HPSE2: variants seen among roughly 807,000 people sequenced by gnomAD.
HPSE2 encodes inactive heparanase-2.
In HPSE2, 38 loss-of-function variants were observed where a neutral mutation model predicts 60.5. The ratio of observed to expected loss-of-function variants is 0.63; its 90% confidence interval spans 0.48 to 0.82. The LOEUF is 0.82. Ranked by LOEUF, HPSE2 falls within the 40% of genes least tolerant of loss-of-function variation. The pLI is 0.00. For missense variants in HPSE2, 713 were observed against 740.4 expected (o/e 0.96, Z 0.43); for synonymous variants, 295 against 293.2 (o/e 1.01, Z -0.06).
chr10:99,105,061 T>A (rs1340562782), intron 3 of HPSE2, among the ~76,000 whole-genome samples: 149 of 138,000 alleles, frequency 1.1e-3, no homozygotes, highest in East Asian at 1.7e-3. Flanking sequence ...TAAAATATAA[T>A]AAAAAAAAAA....
chr10:99,153,459 G>A (rs1450386496), intron 2 of HPSE2, among the ~76,000 whole-genome samples: 1 of 152,190 alleles, frequency 6.6e-6, no homozygotes, highest in Non-Finnish European at 1.5e-5. Context: ...CCCCCGAGCA[G>A]CCTAACTGGG....
chr10:98,774,308 C>T (rs1231278237), intron 3 of HPSE2, among the ~76,000 whole-genome samples: 1 of 152,108 alleles, frequency 6.6e-6, no homozygotes, highest in African/African-American at 2.4e-5. Flanking sequence ...AGAAAAATTC[C>T]TATTTGCTCC....
intron 3 of HPSE2, among the ~76,000 whole-genome samples, chr10:99,066,625 T>A (rs1316736824): frequency 2.0e-5 from 3 of 152,128 alleles, no homozygotes; most frequent in Non-Finnish European, 2.9e-5. Flanking sequence ...CTCGTCAGAC[T>A]TATTCACTAC....
chr10:98,868,138 T>C (rs909542816), intron 3 of HPSE2, among the ~76,000 whole-genome samples: 1 of 151,504 alleles, frequency 6.6e-6, no homozygotes. Context: ...GTGGTACTTA[T>C]ACACAATGAA....
intron 3 of HPSE2, among the ~76,000 whole-genome samples, chr10:98,777,011 G>A (rs1950355091): frequency 6.6e-6 from 1 of 152,152 alleles, no homozygotes; most frequent in South Asian, 2.1e-4. Context: ...GATTAATTTA[G>A]TCTTTCAACT....
chr10:98,877,898 C>G (rs1952919988), intron 3 of HPSE2, among the ~76,000 whole-genome samples: 1 of 151,728 alleles, frequency 6.6e-6, no homozygotes, highest in Non-Finnish European at 1.5e-5. Context: ...CAGAAATAAA[C>G]AAAACAAAGT....
intron 3 of HPSE2, among the ~76,000 whole-genome samples, chr10:98,754,160 C>A (rs1343372795): frequency 2.0e-5 from 3 of 152,078 alleles, no homozygotes; most frequent in Non-Finnish European, 4.4e-5. Flanking sequence ...TAAGAAAGAA[C>A]CAAACTGATC....
chr10:99,164,282 T>C (rs1447494765), intron 2 of HPSE2, among the ~76,000 whole-genome samples: 4 of 109,042 alleles, frequency 3.7e-5, no homozygotes, highest in African/African-American at 1.3e-4. Flanking sequence ...TATATATATA[T>C]GAACTTATGA....
chr10:98,702,835 A>G (rs1016578384), intron 5 of HPSE2, among the ~76,000 whole-genome samples: 1 of 152,208 alleles, frequency 6.6e-6, no homozygotes, highest in African/African-American at 2.4e-5. Context: ...AGCTGGAAAG[A>G]TGTCAAATCA....
chr10:98,481,309 C>A (rs1020548327), intron 11 of HPSE2, among the ~76,000 whole-genome samples: 1 of 152,078 alleles, frequency 6.6e-6, no homozygotes, highest in Non-Finnish European at 1.5e-5. Context: ...TACAACAACC[C>A]TTGAAATCTG....
rs1434265890 is a variant in HPSE2, at chr10:98,929,048, AAAAC to A, written c.611-184996_611-184993del. Among the ~76,000 whole-genome samples the A allele has an allele frequency of 4.7e-4, 67 of 143,474 alleles. 14 individuals are homozygous for A. The highest frequency in any genetic ancestry group is 1.7e-3 in the African/African-American group (60 of 35,364). The allele number at this position is 143,474 out of a possible 152,430, so 94.1% of individuals were successfully genotyped here. On this transcript the variant is annotated intron_variant, in intron 3 of 11. Transcript: ENST00000370552. ...TTTTAGTCTCAAAAATAAAAGGAAAAAAACAAACAAACAAGCTTAAGCTTTTATT... is the reference window on the plus strand; with the variant it reads ...TTTTAGTCTCAAAAATAAAAGGAAAAAAACAAACAAGCTTAAGCTTTTATT...
At position 99,182,780 on chromosome 10, in the gene HPSE2, A is replaced by T. The variant is rs189896974; in HGVS notation, c.449-38381T>A. ...TGGGAGGCTGAGGGGGCAGATCATG[A>T]GGTCAGGAGATCGAGACCATCCTGG... On this transcript the variant is annotated intron_variant, in intron 2 of 11. Transcript: ENST00000370552. Among the ~76,000 whole-genome samples, 140 of 152,168 alleles carry T rather than the reference A, an allele frequency of 9.2e-4. 2 individuals are homozygous for T. In the East Asian group the frequency reaches 0.024, roughly 27 times the overall value.
intron 5 of HPSE2, among the ~76,000 whole-genome samples, chr10:98,701,379 C>T (rs555461264): frequency 0.013 from 1,921 of 149,556 alleles, 33 homozygotes; most frequent in African/African-American, 0.044. Flanking sequence ...TCTCAGTAAA[C>T]TATCGCAAGA....
intron 3 of HPSE2, among the ~76,000 whole-genome samples, chr10:99,024,145 T>C (rs985300199): frequency 2.6e-5 from 4 of 152,078 alleles, no homozygotes; most frequent in Admixed American, 6.5e-5. Context: ...AACAAAGAGA[T>C]TGAAATAATT....
chr10:98,585,709 T>C (rs1236726125), intron 9 of HPSE2, among the ~76,000 whole-genome samples: 1 of 151,200 alleles, frequency 6.6e-6, no homozygotes, highest in Non-Finnish European at 1.5e-5. Flanking sequence ...CCCAGCACTT[T>C]GGGAGGCCGA....
At position 98,457,119 on chromosome 10, in the gene HPSE2, A is replaced by T. The variant is rs1940082335; in HGVS notation, c.*2455T>A. 3 of 152,272 alleles carry T rather than the reference A, an allele frequency of 2.0e-5. No individual in the cohort carries two copies. The highest frequency in any genetic ancestry group is 4.4e-5 in the Non-Finnish European group (3 of 68,038). The allele number at this position is 152,272 out of a possible 1,614,324, so 9.4% of individuals were successfully genotyped here. ...CTCTTCCTTTTATTAACTAAAAAATAAACAAAACTTAAATCTCGTGAGAGC... is the reference window on the plus strand; with the variant it reads ...CTCTTCCTTTTATTAACTAAAAAATTAACAAAACTTAAATCTCGTGAGAGC... On this transcript the variant is annotated 3_prime_UTR_variant, in exon 12 of 12. Coordinates refer to ENST00000370552, the MANE Select transcript of HPSE2 (RefSeq NM_021828.5).
At chr10:99,029,352 CGA>C (rs1051668781) in intron 3 of HPSE2, among the ~76,000 whole-genome samples, 2 of 152,058 alleles carry the variant, frequency 1.3e-5, no homozygotes, top group African/African-American at 4.8e-5. Flanking sequence ...TGTGCGGTGA[CGA>C]GAGAGTGTAG....
At chr10:99,248,681 G>A in the HPSE2 span, among the ~76,000 whole-genome samples, 1 of 152,204 alleles carries the variant, frequency 6.6e-6, no homozygotes, top group Non-Finnish European at 1.5e-5. Context: ...AGACAATGGG[G>A]AAAATGCCTC....
At chr10:99,165,134 C>T (rs1253222595) in intron 2 of HPSE2, among the ~76,000 whole-genome samples, 2 of 150,744 alleles carry the variant, frequency 1.3e-5, no homozygotes, top group East Asian at 1.9e-4. Flanking sequence ...TCATTTTATC[C>T]GTAATTTCTT....
Sources: allele counts gnomAD v4.1 joint callset (sites outside exome capture counted in the v4.1 genomes callset), GRCh38; gene constraint gnomAD v4.1.1; transcripts MANE v1.5; gene names NCBI Gene and HGNC (gene_info 2026-07-23, HGNC 2026-07-21).